NTF3: variants seen among roughly 807,000 people sequenced by gnomAD.
The protein encoded by NTF3 is neurotrophin 3.
In NTF3, 8 loss-of-function variants were observed where a neutral mutation model predicts 26.3. The ratio of observed to expected loss-of-function variants is 0.30; its 90% CI spans 0.18 to 0.55. The LOEUF (loss-of-function observed/expected upper bound fraction) is 0.55. NTF3 is among the 20% of genes least tolerant of loss of function. The pLI, the probability that NTF3 is intolerant of heterozygous loss-of-function variation, is 0.93. For missense variants in NTF3, 276 were observed against 352.9 expected, an observed-to-expected ratio of 0.78 and a Z score of 1.75; for synonymous variants, 154 against 145.5, an observed-to-expected ratio of 1.06 and a Z score of -0.42.
intron 1 of NTF3, among the ~76,000 whole-genome samples, chr12:5,435,815 TG>T (rs538371274): frequency 1.3e-5 from 2 of 151,704 alleles, no homozygotes; most frequent in African/African-American, 2.4e-5. Flanking sequence ...GAGTGTGTGT[TG>T]GGGGGGTGGG....
intron 1 of NTF3, among the ~76,000 whole-genome samples, chr12:5,481,760 A>G (rs1273967761): frequency 6.6e-6 from 1 of 151,216 alleles, no homozygotes; most frequent in Non-Finnish European, 1.5e-5. Flanking sequence ...ACATATGCAC[A>G]CCATACAGAG....
chr12:5,432,275 T>C lies in NTF3; in HGVS notation c.-50T>C, dbSNP rs775761615. On this transcript the variant is annotated 5_prime_UTR_variant, in exon 1 of 2. Transcript: ENST00000423158. ...GAGACTTTGAATGACCGAGCTCGCGTCCACCTTTCTCTTCATGTCGACGTC... is the reference window on the plus strand; with the variant it reads ...GAGACTTTGAATGACCGAGCTCGCGCCCACCTTTCTCTTCATGTCGACGTC... The C allele has an allele frequency of 6.8e-6, 11 of 1,611,182 alleles. 1 individual carries two copies. The highest frequency in any genetic ancestry group is 9.3e-6 in the Non-Finnish European group (11 of 1,178,166).
At chr12:5,451,482 G>A (rs778273930) in intron 1 of NTF3, among the ~76,000 whole-genome samples, 16 of 152,272 alleles carry the variant, frequency 1.1e-4, no homozygotes, top group South Asian at 2.1e-4. Flanking sequence ...TAGTGATGAC[G>A]TACAGCATTC....
In NTF3 at chr12:5,456,218, T is replaced by C. The variant is rs886357032; in HGVS notation, c.18+23876T>C. ...TTAAATGCGAGTGGCATCATCCCCT[T>C]CCGGTCACCATGGCAACCAGAAACA... On this transcript the variant is annotated intron_variant, in intron 1 of 1. Transcript: ENST00000423158. The surrounding 1 kb of genome is among the most constrained non-coding windows in gnomAD (Gnocchi z 4.4). Among the ~76,000 whole-genome samples the C allele has an allele frequency of 1.3e-5, 2 of 152,186 alleles. No individual in the cohort carries two copies. The highest frequency in any genetic ancestry group is 4.8e-5 in the African/African-American group (2 of 41,444).
In NTF3 at chr12:5,433,366, T is replaced by C. The variant is rs932770755; in HGVS notation, c.18+1024T>C. ...TTAAAGGTCCCACGACGGACCGAAC[T>C]GTCCCATTGCCCCAGAGCTTTACTC... On this transcript the variant is annotated intron_variant, in intron 1 of 1. Coordinates refer to ENST00000423158, the MANE Select transcript of NTF3 (RefSeq NM_001102654.2). This position sits in a 1 kb window ranked among gnomAD's most constrained non-coding sequence, Gnocchi z 4.6. 5 of 152,362 alleles carry C rather than the reference T, an allele frequency of 3.3e-5. No individual in the cohort carries two copies. Among genetic ancestry groups the C allele is most frequent in the African/African-American group, 1.2e-4 (5 of 41,474 alleles). The allele number at this position is 152,362 out of a possible 1,614,324, so 9.4% of individuals were successfully genotyped here. A position where few individuals can be genotyped will look rare whatever the true frequency, so the allele number is the denominator to read the frequency against.
In NTF3 at chr12:5,446,185, C is replaced by G. The variant is rs1345572667; in HGVS notation, c.18+13843C>G. On this transcript the variant is annotated intron_variant, in intron 1 of 1. Coordinates refer to ENST00000423158, the MANE Select transcript of NTF3 (RefSeq NM_001102654.2). Reference sequence around the variant, plus strand: ...TGTGTCATCTCCTTAGTTCCCCCAACAACTCACAGAGGCAGATATTATACC... The same window carrying G: ...TGTGTCATCTCCTTAGTTCCCCCAAGAACTCACAGAGGCAGATATTATACC... Among the ~76,000 whole-genome samples the G allele has an allele frequency of 1.3e-5, 2 of 152,182 alleles. 1 individual carries two copies. Among genetic ancestry groups the G allele is most frequent in the Non-Finnish European group, 2.9e-5 (2 of 68,026 alleles).
Position 5,494,879 on chromosome 12 carries a change from C to A in NTF3, c.704C>A (p.Thr235Asn), listed in dbSNP as rs1231932571. 6.2e-7 allele frequency: 1 copy of A among 1,614,034 alleles called. No individual in the cohort carries two copies. Among genetic ancestry groups the A allele is most frequent in the Non-Finnish European group, 8.5e-7 (1 of 1,180,062 alleles). ...AACTCTCAGTGCAAAACATCCCAAA[C>A]CTACGTCCGAGCACTGACTTCAGAG... ...HWNSQCKTSQ[T>N]YVRALTSENN... The change falls in exon 2 of 2, where the codon ACC (threonine) becomes AAC (asparagine). Residue 235 changes from threonine (T) to asparagine (N), a missense_variant. By Grantham distance (65) the Thr-to-Asn change is moderately conservative. Around this residue, in one of 3 missense-constraint regions of NTF3, gnomAD observed 52 missense variants for 78.4 expected, o/e 0.66. Transcript: ENST00000423158. This position sits in a 1 kb window ranked among gnomAD's most constrained non-coding sequence, Gnocchi z 8.3.
chr12:5,463,546 G>A (rs956673575), intron 1 of NTF3, among the ~76,000 whole-genome samples: 4 of 152,082 alleles, frequency 2.6e-5, no homozygotes, highest in Non-Finnish European at 5.9e-5. Context: ...GGGGGTGGGC[G>A]GTAGGAGGGA....
intron 1 of NTF3, among the ~76,000 whole-genome samples, chr12:5,482,014 C>T (rs1453691026): frequency 3.3e-5 from 5 of 151,418 alleles, no homozygotes; most frequent in Admixed American, 3.3e-4. Flanking sequence ...CATACACACA[C>T]TACACACAGA....
At chr12:5,472,094 C>T (rs535260077) in intron 1 of NTF3, among the ~76,000 whole-genome samples, 1 of 152,090 alleles carries the variant, frequency 6.6e-6, no homozygotes, top group Non-Finnish European at 1.5e-5. Context: ...GTAAGGTTAC[C>T]ATCTCTGTGT....
chr12:5,482,174 G>A (rs562579051), intron 1 of NTF3, among the ~76,000 whole-genome samples: 63 of 151,892 alleles, frequency 4.1e-4, no homozygotes, highest in African/African-American at 1.1e-3. Flanking sequence ...GTACACGAGC[G>A]CGCACACACA....
intron 1 of NTF3, among the ~76,000 whole-genome samples, chr12:5,457,291 C>T (rs1445669164): frequency 6.6e-6 from 1 of 152,152 alleles, no homozygotes; most frequent in Non-Finnish European, 1.5e-5. Context: ...CTGTGTCCTC[C>T]TCTTCACACC....
chr12:5,435,018 C>G (rs1185943876), intron 1 of NTF3, among the ~76,000 whole-genome samples: 1 of 152,134 alleles, frequency 6.6e-6, no homozygotes, highest in East Asian at 1.9e-4. Context: ...TGCCTCCCCC[C>G]TCCTTCCTCC....
intron 1 of NTF3, among the ~76,000 whole-genome samples, chr12:5,441,943 C>G (rs985871224): frequency 2.0e-5 from 3 of 152,208 alleles, no homozygotes; most frequent in African/African-American, 7.2e-5. Flanking sequence ...CTCTTGGTCA[C>G]AGGGAATCGG....
intron 1 of NTF3, among the ~76,000 whole-genome samples, chr12:5,472,233 T>G (rs1285885100): frequency 6.6e-6 from 1 of 152,074 alleles, no homozygotes; most frequent in Non-Finnish European, 1.5e-5. Context: ...AGGGCAGTGT[T>G]TGGTGTGACG....
At chr12:5,461,466 C>G (rs1390404489) in intron 1 of NTF3, among the ~76,000 whole-genome samples, 2 of 152,118 alleles carry the variant, frequency 1.3e-5, no homozygotes, top group African/African-American at 4.8e-5. Flanking sequence ...TGGTCATTCT[C>G]CATGTTCTCT....
intron 1 of NTF3, among the ~76,000 whole-genome samples, chr12:5,455,166 A>G (rs1473225625): frequency 6.6e-6 from 1 of 152,178 alleles, no homozygotes; most frequent in Non-Finnish European, 1.5e-5. Context: ...CTACAGGGTC[A>G]TGCGGCATGC....
intron 1 of NTF3, among the ~76,000 whole-genome samples, chr12:5,454,153 G>A (rs578047943): frequency 1.7e-3 from 264 of 152,276 alleles, no homozygotes; most frequent in African/African-American, 5.5e-3. Flanking sequence ...GGTCAGGGCC[G>A]TGTTTCATCT....
intron 1 of NTF3, among the ~76,000 whole-genome samples, chr12:5,449,282 C>T (rs866402869): frequency 6.6e-6 from 1 of 152,170 alleles, no homozygotes; most frequent in Non-Finnish European, 1.5e-5. Context: ...AGCTCTGTCT[C>T]GAGGCAGCTT....
Sources: allele counts gnomAD v4.1 joint callset (sites outside exome capture counted in the v4.1 genomes callset), GRCh38; gene constraint gnomAD v4.1.1; regional missense constraint gnomAD v4.1.1; non-coding constraint Gnocchi (gnomAD v3.1); transcripts MANE v1.5; gene names NCBI Gene and HGNC (gene_info 2026-07-23, HGNC 2026-07-21).